Variants in FXN observed in about 807,000 individuals in gnomAD.
The protein encoded by FXN is frataxin, mitochondrial.
FXN carries 14 observed loss-of-function variants against 22.4 expected under a neutral mutation model. The observed-to-expected ratio is 0.62, with a 90% CI of 0.41 to 0.98. The LOEUF (loss-of-function observed/expected upper bound fraction) is 0.98. FXN is among the 50% of genes least tolerant of loss of function. The probability of loss-of-function intolerance (pLI) is 0.00; values close to 1 mark genes in which losing one functional copy is unlikely to be tolerated. For synonymous variants in FXN, 120 were observed against 114.1 expected (o/e 1.05, Z -0.33); for missense variants, 267 against 268.4 (o/e 0.99, Z 0.04).
At chr9:69,037,603 A>G (rs775124025) in intron 1 of FXN, among the ~76,000 whole-genome samples, 2 of 152,204 alleles carry the variant, frequency 1.3e-5, no homozygotes, top group Admixed American at 6.5e-5. Context: ...TCTGTGCACT[A>G]TCTGAGCTGC....
chr9:69,049,075 A>G (rs1313300460), intron 2 of FXN, among the ~76,000 whole-genome samples: 2 of 152,122 alleles, frequency 1.3e-5, no homozygotes, highest in African/African-American at 4.8e-5. Context: ...CCCTTGCAGG[A>G]TGCCCCAAGT....
intron 3 of FXN, among the ~76,000 whole-genome samples, chr9:69,061,795 CGA>C (rs1564336722): frequency 6.6e-6 from 1 of 151,340 alleles, no homozygotes; most frequent in African/African-American, 2.4e-5. Context: ...TTTGTTCTTG[CGA>C]TAGTTTACTG....
At chr9:69,061,602 C>G (rs1370436023) in intron 3 of FXN, among the ~76,000 whole-genome samples, 1 of 151,816 alleles carries the variant, frequency 6.6e-6, no homozygotes, top group African/African-American at 2.4e-5. Flanking sequence ...ATGTGCCATG[C>G]TGGTGTGCTG....
Position 69,075,341 on chromosome 9 carries a change from T to A in FXN, c.*2579T>A, listed in dbSNP as rs550096130. ...TGGGCGTGGTGGTTCGTGCCTATAA[T>A]TTCAGCTACTCAGGAGGCTGAGGCA... On this transcript the variant is annotated 3_prime_UTR_variant, in exon 5 of 5. Coordinates refer to ENST00000484259, the MANE Select transcript of FXN (RefSeq NM_000144.5). 1 of 582,910 alleles carries A rather than the reference T, an allele frequency of 1.7e-6. No individual in the cohort carries two copies. Among genetic ancestry groups the A allele is most frequent in the East Asian group, 1.5e-4 (1 of 6,892 alleles). The allele number at this position is 582,910 out of a possible 1,614,324, so 36.1% of individuals were successfully genotyped here.
chr9:69,051,543 T>G (rs1831850553), intron 2 of FXN, among the ~76,000 whole-genome samples: 1 of 152,202 alleles, frequency 6.6e-6, no homozygotes, highest in South Asian at 2.1e-4. Flanking sequence ...CTAATTAGAT[T>G]GGCATAGTTA....
rs146837693 is a variant in FXN at position 69,055,482 on chromosome 9, T to C, written c.384+2222T>C. The stretch of plus-strand genomic sequence containing the variant: ...AATATTCTAGCAGCTGCGTTTGGTT[T>C]ACTTCTTCTTCTTCTTTTTTTTTTT... On this transcript the variant is annotated intron_variant, in intron 3 of 4. Coordinates refer to ENST00000484259, the MANE Select transcript of FXN (RefSeq NM_000144.5). 3.1e-3 allele frequency among the ~76,000 whole-genome samples: 470 copies of C among 151,914 alleles called. 4 individuals are homozygous for C. The highest frequency in any genetic ancestry group is 0.011 in the African/African-American group (434 of 41,322).
chr9:69,070,932 A>G (rs1052123685), intron 4 of FXN, among the ~76,000 whole-genome samples: 1 of 151,806 alleles, frequency 6.6e-6, no homozygotes, highest in African/African-American at 2.4e-5. Context: ...CAGCCTCCCA[A>G]AGTGCTGGGG....
intron 4 of FXN, among the ~76,000 whole-genome samples, chr9:69,065,476 G>C (rs570958540): frequency 2.4e-3 from 357 of 151,076 alleles, no homozygotes; most frequent in African/African-American, 8.0e-3. Flanking sequence ...AGGAGGTGGA[G>C]GTTGCAGTGA....
Position 69,078,459 on chromosome 9 carries a change from CCAT to C in FXN, c.*5702_*5704del. 1.0e-6 allele frequency: 1 copy of C among 985,392 alleles called. No homozygotes were observed. Among genetic ancestry groups the C allele is most frequent in the Non-Finnish European group, 1.2e-6 (1 of 829,940 alleles). The allele number at this position is 985,392 out of a possible 1,614,324, so 61.0% of individuals were successfully genotyped here. A position where few individuals can be genotyped will look rare whatever the true frequency, so the allele number is the denominator to read the frequency against. ...TCCACCTTCCTCCTTTTCTCTCAGC[CCAT>C]CATCTAGCTACACAGTCTCCAGGGT... On this transcript the variant is annotated 3_prime_UTR_variant, in exon 5 of 5. Transcript: ENST00000484259.
At position 69,059,025 on chromosome 9, in the gene FXN, G is replaced by A. The variant is rs1018370361; in HGVS notation, c.384+5765G>A. On this transcript the variant is annotated intron_variant, in intron 3 of 4. Coordinates refer to ENST00000484259, the MANE Select transcript of FXN (RefSeq NM_000144.5). Reference sequence around the variant, plus strand: ...GGAGCTTGCAGTGAGCCAGGATCCCGCCACTGCACTCCAGCCTGGGCGACA... The same window carrying A: ...GGAGCTTGCAGTGAGCCAGGATCCCACCACTGCACTCCAGCCTGGGCGACA... Among the ~76,000 whole-genome samples the A allele has an allele frequency of 5.9e-5, 9 of 152,020 alleles. No homozygotes were observed. In the South Asian group the frequency reaches 6.2e-4, roughly 11 times the overall value.
At chr9:69,045,613 A>G (rs749381013) in intron 1 of FXN, among the ~76,000 whole-genome samples, 4 of 144,726 alleles carry the variant, frequency 2.8e-5, no homozygotes, top group Non-Finnish European at 6.0e-5. Context: ...AACAAAAACC[A>G]AAAAAAAAAA....
intron 1 of FXN, chr9:69,043,636 T>C (rs1831695690): frequency 6.6e-6 from 1 of 152,286 alleles, no homozygotes; most frequent in Non-Finnish European, 1.5e-5. Context: ...CAGGCTGGAG[T>C]GCAATGGTGC....
At chr9:69,049,070 G>T (rs1357238123) in intron 2 of FXN, among the ~76,000 whole-genome samples, 1 of 152,146 alleles carries the variant, frequency 6.6e-6, no homozygotes, top group African/African-American at 2.4e-5. Context: ...TAGGGCCCTT[G>T]CAGGATGCCC....
chr9:69,075,459 C>CAAGT lies in FXN; in HGVS notation c.*2699_*2700insGTAA. 1.1e-6 allele frequency: 1 copy of CAAGT among 923,806 alleles called. No individual in the cohort carries two copies. Among genetic ancestry groups the CAAGT allele is most frequent in the Non-Finnish European group, 1.3e-6 (1 of 776,398 alleles). The allele number at this position is 923,806 out of a possible 1,614,324, so 57.2% of individuals were successfully genotyped here. A position where few individuals can be genotyped will look rare whatever the true frequency, so the allele number is the denominator to read the frequency against. ...TGGCCAACAGAGCCATACTCCGTCT[C>CAAGT]AAATAAATAAATAAATAAATAAAGG... On this transcript the variant is annotated 3_prime_UTR_variant, in exon 5 of 5. Transcript: ENST00000484259.
rs1228124556 is a variant in FXN at position 69,072,676 on chromosome 9, C to T, written c.547C>T (p.His183Tyr). 6.2e-7 allele frequency: 1 copy of T among 1,614,060 alleles called. No individual in the cohort carries two copies. The highest frequency in any genetic ancestry group is 8.5e-7 in the Non-Finnish European group (1 of 1,180,044). ...WVYSHDGVSL[H>Y]ELLAAELTKA... ...GTACTCCCACGACGGCGTGTCCCTC[C>T]ATGAGCTGCTGGCCGCAGAGCTCAC... The change falls in exon 5 of 5, where the codon CAT (histidine) becomes TAT (tyrosine). Residue 183 changes from histidine to tyrosine, a missense_variant. By Grantham distance (83) the His-to-Tyr change is moderately conservative. Transcript: ENST00000484259.
rs554690587 is a variant in FXN, at chr9:69,045,274, T to TA, written c.166-1098dup. 8.8e-4 allele frequency among the ~76,000 whole-genome samples: 127 copies of TA among 144,314 alleles called. 1 individual carries two copies. Among genetic ancestry groups the TA allele is most frequent in the African/African-American group, 2.0e-3 (80 of 39,638 alleles). The allele number at this position is 144,314 out of a possible 152,430, so 94.7% of individuals were successfully genotyped here. On this transcript the variant is annotated intron_variant, in intron 1 of 4. Coordinates refer to ENST00000484259, the MANE Select transcript of FXN (RefSeq NM_000144.5). The stretch of plus-strand genomic sequence containing the variant: ...ATCACTGTAATGCACTAAAAGAAGG[T>TA]AAAAAAAAAAAAATCCTAAGAAATA...
In FXN at chr9:69,077,340, A is replaced by G. The variant is rs1832389350; in HGVS notation, c.*4578A>G. The G allele has an allele frequency of 8.1e-6, 8 of 985,386 alleles. No homozygotes were observed. Among genetic ancestry groups the G allele is most frequent in the Non-Finnish European group, 9.6e-6 (8 of 829,968 alleles). 61.0% of individuals were successfully genotyped at this position (985,386 alleles called of 1,614,324 possible). ...TCACTTATATCCCTGCATCCGCTAC[A>G]GAGACAGAATCCAAGCTCATATGTT... On this transcript the variant is annotated 3_prime_UTR_variant, in exon 5 of 5. Transcript: ENST00000484259.
At chr9:69,067,762 C>T (rs927549643) in intron 4 of FXN, among the ~76,000 whole-genome samples, 1 of 152,152 alleles carries the variant, frequency 6.6e-6, no homozygotes. Context: ...GCCATCATGC[C>T]AGGGAAAATG....
chr9:69,036,952 C>T (rs1831560627), intron 1 of FXN, among the ~76,000 whole-genome samples: 3 of 152,100 alleles, frequency 2.0e-5, no homozygotes, highest in Non-Finnish European at 4.4e-5. Flanking sequence ...TTCAGAGTGG[C>T]TGGTACGCCG....
Sources: allele counts gnomAD v4.1 joint callset (sites outside exome capture counted in the v4.1 genomes callset), GRCh38; gene constraint gnomAD v4.1.1; transcripts MANE v1.5; gene names NCBI Gene and HGNC (gene_info 2026-07-23, HGNC 2026-07-21).